The following SLC44A5 variants were observed in gnomAD, a reference collection of about 807,000 sequenced individuals.
SLC44A5 encodes the protein solute carrier family 44 member 5.
In SLC44A5, 57 loss-of-function variants were observed where a neutral mutation model predicts 101.8. That is an observed-to-expected ratio of 0.56 (90% CI 0.45 to 0.70). SLC44A5 has a LOEUF of 0.70. Ranked by LOEUF, SLC44A5 falls within the 30% of genes least tolerant of loss-of-function variation. SLC44A5 has a pLI of 0.00. For missense variants in SLC44A5, 737 were observed against 853.1 expected, an observed-to-expected ratio of 0.86 and a Z score of 1.70; for synonymous variants, 281 against 290.9, an observed-to-expected ratio of 0.97 and a Z score of 0.35.
intron 2 of SLC44A5, among the ~76,000 whole-genome samples, chr1:75,533,171 C>T (rs559771859): frequency 6.6e-6 from 1 of 152,224 alleles, no homozygotes; most frequent in South Asian, 2.1e-4. Flanking sequence ...GATTCTGGCT[C>T]TATAGCTCTC....
At chr1:75,327,752 A>C (rs1407495741) in intron 4 of SLC44A5, among the ~76,000 whole-genome samples, 2 of 152,244 alleles carry the variant, frequency 1.3e-5, no homozygotes, top group Non-Finnish European at 2.9e-5. Context: ...ATATTTCCCC[A>C]TTAATTCTTC....
chr1:75,348,584 A>C (rs1292035938), intron 3 of SLC44A5, among the ~76,000 whole-genome samples: 1 of 152,192 alleles, frequency 6.6e-6, no homozygotes, highest in Non-Finnish European at 1.5e-5. Context: ...GTGCTCCTAG[A>C]AAACTGACAG....
chr1:75,592,735 A>G (rs985490545), intron 1 of SLC44A5, among the ~76,000 whole-genome samples: 1 of 152,110 alleles, frequency 6.6e-6, no homozygotes, highest in African/African-American at 2.4e-5. Context: ...CAAAGAATAT[A>G]TACTGGGGGA....
At chr1:75,702,978 T>C in the SLC44A5 span, among the ~76,000 whole-genome samples, 1 of 151,810 alleles carries the variant, frequency 6.6e-6, no homozygotes, top group Non-Finnish European at 1.5e-5. Context: ...TCACACCAGT[T>C]AGAATGGCAA....
upstream of SLC44A5, among the ~76,000 whole-genome samples, chr1:75,616,106 C>G (rs948237166): frequency 2.6e-5 from 4 of 151,934 alleles, no homozygotes; most frequent in Non-Finnish European, 5.9e-5. Flanking sequence ...CGCTGGCCCC[C>G]CTCTTGCGCT....
intron 2 of SLC44A5, among the ~76,000 whole-genome samples, chr1:75,488,370 G>T (rs1668264200): frequency 6.6e-6 from 1 of 152,110 alleles, no homozygotes; most frequent in African/African-American, 2.4e-5. Flanking sequence ...ACTGAACACT[G>T]TAGGTAATTG....
intron 2 of SLC44A5, among the ~76,000 whole-genome samples, chr1:75,528,537 A>G (rs1670549554): frequency 6.6e-6 from 1 of 152,156 alleles, no homozygotes; most frequent in Non-Finnish European, 1.5e-5. Flanking sequence ...GCAGGCAAAC[A>G]TCTTCTTCTA....
chr1:75,293,016 C>T (rs613403), intron 5 of SLC44A5, among the ~76,000 whole-genome samples: 40 of 152,186 alleles, frequency 2.6e-4, no homozygotes, highest in African/African-American at 9.4e-4. Flanking sequence ...CTTTAAAACA[C>T]CACTTTAAGT....
intron 2 of SLC44A5, among the ~76,000 whole-genome samples, chr1:75,539,885 C>T (rs545091388): frequency 6.6e-6 from 1 of 152,124 alleles, no homozygotes; most frequent in Admixed American, 6.5e-5. Flanking sequence ...AGCCAATATT[C>T]AGAAAAAAAG....
At chr1:75,214,070 T>A in intron 20 of SLC44A5, 81 bp from the exon 21 acceptor site, 1 of 901,092 alleles carries the variant, frequency 1.1e-6, no homozygotes, top group South Asian at 1.6e-5. Flanking sequence ...TAAATTTTCA[T>A]GAGTTTATTT....
At chr1:75,591,374 T>C (rs1674342579) in intron 1 of SLC44A5, among the ~76,000 whole-genome samples, 1 of 151,776 alleles carries the variant, frequency 6.6e-6, no homozygotes, top group Admixed American at 6.6e-5. Context: ...TAGACTAAAC[T>C]CTCCAATCAA....
the SLC44A5 span, among the ~76,000 whole-genome samples, chr1:75,657,335 G>A: frequency 6.6e-6 from 1 of 152,198 alleles, no homozygotes; most frequent in East Asian, 1.9e-4. Context: ...GATCACTTGA[G>A]CTCAGGAGTT....
chr1:75,685,493 T>G, the SLC44A5 span, among the ~76,000 whole-genome samples: 1 of 152,222 alleles, frequency 6.6e-6, no homozygotes, highest in Non-Finnish European at 1.5e-5. Flanking sequence ...TACATAAAAC[T>G]GAATGGTATT....
chr1:75,479,592 A>G, intron 2 of SLC44A5, among the ~76,000 whole-genome samples: 1 of 133,202 alleles, frequency 7.5e-6, no homozygotes, highest in South Asian at 2.4e-4. Flanking sequence ...CCACAGAAAT[A>G]CAAACTACCA....
At chr1:75,538,647 T>C (rs1671184933) in intron 2 of SLC44A5, among the ~76,000 whole-genome samples, 1 of 152,226 alleles carries the variant, frequency 6.6e-6, no homozygotes, top group South Asian at 2.1e-4. Flanking sequence ...ATTGAGGCAC[T>C]CCAATTTCAG....
At chr1:75,373,391 C>T (rs910253468) in intron 3 of SLC44A5, among the ~76,000 whole-genome samples, 1 of 152,000 alleles carries the variant, frequency 6.6e-6, no homozygotes, top group Non-Finnish European at 1.5e-5. Flanking sequence ...CAAATACAAC[C>T]CTCTGGGATC....
chr1:75,692,484 C>T, the SLC44A5 span, among the ~76,000 whole-genome samples: 1,035 of 152,182 alleles, frequency 6.8e-3, 16 homozygotes, highest in Admixed American at 0.037. Flanking sequence ...CATGAGCCAC[C>T]GCAGCCGGCC....
At chr1:75,401,407 T>A (rs1252580120) in intron 2 of SLC44A5, among the ~76,000 whole-genome samples, 1 of 152,170 alleles carries the variant, frequency 6.6e-6, no homozygotes, top group Admixed American at 6.5e-5. Flanking sequence ...TGCTTGCAAA[T>A]GTGACATGAT....
intron 4 of SLC44A5, among the ~76,000 whole-genome samples, chr1:75,302,736 T>C (rs150872884): frequency 8.8e-4 from 134 of 152,250 alleles, no homozygotes; most frequent in African/African-American, 3.0e-3. Context: ...TAAAGTAAAA[T>C]CAGGGTTACT....
Sources: gnomAD v4.1 joint callset for allele counts (sites outside exome capture counted in the v4.1 genomes callset) on GRCh38, gnomAD v4.1.1 for gene constraint, MANE v1.5 for transcripts, NCBI Gene and HGNC (gene_info 2026-07-23, HGNC 2026-07-21) for gene names.